CPZ: variants seen among roughly 807,000 people sequenced by gnomAD.
CPZ encodes the protein VEZT/CPZ fusion.
In CPZ, 103 loss-of-function variants were observed where a neutral mutation model predicts 61.8. The ratio of observed to expected loss-of-function variants is 1.67; its 90% CI spans 1.42 to 1.96. CPZ has a LOEUF of 1.96. CPZ is among the 30% of genes most tolerant of loss of function. The pLI is 0.00. For missense variants in CPZ, 1,461 were observed against 914.9 expected (o/e 1.60, Z -7.70); for synonymous variants, 551 against 373.7 (o/e 1.47, Z -5.47).
intron 2 of CPZ, chr4:8,599,791 C>T (rs987114341): frequency 1.8e-5 from 8 of 452,932 alleles, no homozygotes; most frequent in African/African-American, 4.1e-5. Flanking sequence ...GGGCCTTGTC[C>T]ACATGCATTT....
chr4:8,619,687 G>C lies in CPZ; in HGVS notation c.*70G>C. 5.8e-6 allele frequency: 7 copies of C among 1,212,854 alleles called. No individual in the cohort carries two copies. Among genetic ancestry groups the C allele is most frequent in the Non-Finnish European group, 7.7e-6 (7 of 903,322 alleles). The allele number at this position is 1,212,854 out of a possible 1,614,324, so 75.1% of individuals were successfully genotyped here. On this transcript the variant is annotated 3_prime_UTR_variant, in exon 11 of 11. Transcript: ENST00000360986. Reference sequence around the variant, plus strand: ...TCCGCATCCCGGGCTCCTGGCTCTTGATTTTGTCTGCCACAGACATCCCAC... The same window carrying C: ...TCCGCATCCCGGGCTCCTGGCTCTTCATTTTGTCTGCCACAGACATCCCAC...
intron 7 of CPZ, among the ~76,000 whole-genome samples, chr4:8,607,676 T>A (rs979119961): frequency 2.0e-5 from 3 of 152,144 alleles, no homozygotes; most frequent in African/African-American, 7.2e-5. Flanking sequence ...CATGTCCCCG[T>A]CTGGGAGCTC....
chr4:8,618,189 C>A (rs1716361856), intron 9 of CPZ: 1 of 538,002 alleles, frequency 1.9e-6, no homozygotes, highest in Non-Finnish European at 3.4e-6. Context: ...GGGTGAGATG[C>A]AGGGTCATTC....
Position 8,619,489 on chromosome 4 carries a change from G to A in CPZ, c.1831G>A (p.Gly611Arg), listed in dbSNP as rs748345296. Residue 611 changes from glycine (G) to arginine (R), a missense_variant, in exon 11 of 11, where the codon GGG becomes AGG. Coordinates refer to ENST00000360986, the MANE Select transcript of CPZ (RefSeq NM_001014447.3). ...HDPLGGASSL[G>R]EATEPDPLRA... ...CCCACTGGGAGGTGCCAGCTCTTTG[G>A]GGGAGGCCACGGAGCCCGACCCGCT... 10 of 1,608,392 alleles carry A rather than the reference G, an allele frequency of 6.2e-6. No individual in the cohort carries two copies. The South Asian group carries it at 1.1e-4, about 18-fold the overall frequency.
intron 9 of CPZ, chr4:8,618,049 C>G: frequency 3.8e-6 from 1 of 266,552 alleles, no homozygotes; most frequent in South Asian, 4.8e-5. Context: ...CCTTCAGGAG[C>G]CTCAGCTCAG....
At chr4:8,615,742 T>G (rs1164779736) in intron 9 of CPZ, among the ~76,000 whole-genome samples, 7 of 152,106 alleles carry the variant, frequency 4.6e-5, no homozygotes, top group Non-Finnish European at 8.8e-5. Context: ...CTGTCTGGTG[T>G]CGCCCAGATC....
chr4:8,606,837 C>A lies in CPZ; in HGVS notation c.1007C>A (p.Ala336Glu), dbSNP rs750245366. The A allele has an allele frequency of 1.2e-6, 2 of 1,613,060 alleles. No individual in the cohort carries two copies. Among genetic ancestry groups the A allele is most frequent in the African/African-American group, 1.3e-5 (1 of 74,932 alleles). The part of the protein sequence containing the change: ...PDLTSEYYRL[A>E]ETRGARSDHI... ...CTGACGTCCGAGTACTACCGGCTGG[C>A]GGAGACCCGCGGCGCACGCAGCGAC... is the stretch of plus-strand genomic sequence containing the variant. The change falls in exon 6 of 11, where the codon GCG becomes GAG. Residue 336 changes from alanine (A) to glutamate (E), a missense_variant. Transcript: ENST00000360986.
intron 9 of CPZ, among the ~76,000 whole-genome samples, chr4:8,615,580 C>G (rs9684829): frequency 0.1 from 15,496 of 152,264 alleles, 1,020 homozygotes; most frequent in South Asian, 0.17. Flanking sequence ...GTTCTGACAC[C>G]AGGCCGGGCG....
rs564482150 is a variant in CPZ at position 8,605,377 on chromosome 4, C to T, written c.710-612C>T. On this transcript the variant is annotated intron_variant, in intron 4 of 10. Coordinates refer to ENST00000360986, the MANE Select transcript of CPZ (RefSeq NM_001014447.3). ...ATTCATTCAGCCATTACACATCCAT[C>T]CATCATCCACCCATTCATTCATACA... 1.8e-3 allele frequency among the ~76,000 whole-genome samples: 203 copies of T among 114,876 alleles called. No individual in the cohort carries two copies. The Middle Eastern group carries it at 0.032, about 18-fold the overall frequency. 75.4% of individuals were successfully genotyped at this position (114,876 alleles called of 152,430 possible). A position where few individuals can be genotyped will look rare whatever the true frequency, so the allele number is the denominator to read the frequency against.
intron 9 of CPZ, among the ~76,000 whole-genome samples, chr4:8,616,210 C>T (rs3796725): frequency 0.23 from 35,560 of 152,128 alleles, 4,927 homozygotes; most frequent in Admixed American, 0.3. Context: ...TCAAGCCTGT[C>T]GTGGCCAATT....
intron 3 of CPZ, chr4:8,602,585 C>G (rs1378798339): frequency 6.6e-6 from 1 of 152,304 alleles, no homozygotes; most frequent in East Asian, 1.9e-4. Flanking sequence ...CAGCCTTGCT[C>G]CATGGAAGAG....
chr4:8,606,648 T>C, intron 5 of CPZ, 89 bp from the exon 6 acceptor site: 2 of 1,547,884 alleles, frequency 1.3e-6, no homozygotes, highest in South Asian at 2.3e-5. Flanking sequence ...GCCCCTGGCC[T>C]TGACCCTCAG....
intron 1 of CPZ, chr4:8,597,660 C>T (rs559932507): frequency 2.0e-5 from 3 of 152,370 alleles, no homozygotes. Flanking sequence ...TTTAGGAAAA[C>T]AGTGCCCTTG....
At chr4:8,610,782 G>A (rs1715586234) in intron 7 of CPZ, among the ~76,000 whole-genome samples, 1 of 152,172 alleles carries the variant, frequency 6.6e-6, no homozygotes, top group Non-Finnish European at 1.5e-5. Flanking sequence ...CTGCCACCCT[G>A]GAACCACAGG....
intron 6 of CPZ, 88 bp from the exon 7 acceptor site, chr4:8,607,179 G>C: frequency 6.9e-7 from 1 of 1,452,210 alleles, no homozygotes; most frequent in African/African-American, 1.4e-5. Context: ...TGCACCATTG[G>C]AGCCCAGAGG....
intron 7 of CPZ, among the ~76,000 whole-genome samples, chr4:8,610,084 C>T (rs961144628): frequency 2.0e-5 from 3 of 152,250 alleles, no homozygotes; most frequent in Non-Finnish European, 4.4e-5. Context: ...CCAACGCTTG[C>T]TGTGGGAATG....
At chr4:8,606,704 C>G (rs925328647) in intron 5 of CPZ, 33 bp from the exon 6 acceptor site, 1 of 1,613,546 alleles carries the variant, frequency 6.2e-7, no homozygotes, top group South Asian at 1.1e-5. Flanking sequence ...GGTGTGCTGA[C>G]CCCACCCAGT....
chr4:8,593,934 G>A (rs1040497951), intron 1 of CPZ, among the ~76,000 whole-genome samples: 21 of 152,174 alleles, frequency 1.4e-4, no homozygotes, highest in South Asian at 4.1e-4. Context: ...AGCTTGTGCC[G>A]TGTTGTGGGT....
intron 10 of CPZ, 50 bp from the exon 11 acceptor site, chr4:8,619,212 G>A: frequency 1.3e-6 from 2 of 1,499,098 alleles, no homozygotes; most frequent in Non-Finnish European, 1.8e-6. Context: ...TCACCCCGTG[G>A]CTGGGTCTGC....
Sources: gnomAD v4.1 joint callset for allele counts (sites outside exome capture counted in the v4.1 genomes callset) on GRCh38, gnomAD v4.1.1 for gene constraint, MANE v1.5 for transcripts, NCBI Gene and HGNC (gene_info 2026-07-23, HGNC 2026-07-21) for gene names.